TMTC2: variants seen among roughly 807,000 people sequenced by gnomAD.
TMTC2 encodes protein O-mannosyl-transferase TMTC2.
Under a neutral mutation model 82.4 loss-of-function variants are expected in TMTC2, and 43 were observed. That is an observed-to-expected ratio of 0.52 (90% CI 0.41 to 0.67). The LOEUF is 0.67. Ranked by LOEUF, TMTC2 falls within the 30% of genes least tolerant of loss-of-function variation. TMTC2 has a pLI of 0.00. For missense variants in TMTC2, 919 were observed against 1,012.4 expected, an observed-to-expected ratio of 0.91 and a Z score of 1.25; for synonymous variants, 408 against 381.9, an observed-to-expected ratio of 1.07 and a Z score of -0.80.
At chr12:82,975,201 C>T (rs1371476567) in intron 7 of TMTC2, among the ~76,000 whole-genome samples, 1 of 152,030 alleles carries the variant, frequency 6.6e-6, no homozygotes, top group Non-Finnish European at 1.5e-5. Context: ...AGCCTTAACG[C>T]ATGAAATATA....
At chr12:82,897,835 C>A (rs1006823242) in intron 3 of TMTC2, among the ~76,000 whole-genome samples, 4 of 152,056 alleles carry the variant, frequency 2.6e-5, no homozygotes, top group African/African-American at 7.2e-5. Context: ...TATTTTTATT[C>A]TTTAAATTAT....
chr12:83,076,343 A>G (rs1216864635), intron 11 of TMTC2, among the ~76,000 whole-genome samples: 1 of 152,184 alleles, frequency 6.6e-6, no homozygotes, highest in Non-Finnish European at 1.5e-5. Context: ...GAACATCAAA[A>G]CCTTTGGGAA....
chr12:82,911,179 G>A (rs925428659), intron 3 of TMTC2, among the ~76,000 whole-genome samples: 8 of 151,862 alleles, frequency 5.3e-5, no homozygotes, highest in East Asian at 3.9e-4. Flanking sequence ...TGCGCCCGGC[G>A]GGTCTCGGGT....
chr12:82,790,338 C>T (rs868127886), intron 1 of TMTC2, among the ~76,000 whole-genome samples: 22 of 152,110 alleles, frequency 1.4e-4, no homozygotes, highest in African/African-American at 5.3e-4. Context: ...TCTCTGTTTA[C>T]AGTTTACTGT....
At position 82,715,177 on chromosome 12, in the gene TMTC2, A is replaced by C. The variant is rs192634785; in HGVS notation, c.83+27508A>C. 2.4e-3 allele frequency among the ~76,000 whole-genome samples: 365 copies of C among 151,954 alleles called. 1 individual carries two copies. The highest frequency in any genetic ancestry group is 8.2e-3 in the African/African-American group (340 of 41,448). On this transcript the variant is annotated intron_variant, in intron 1 of 11. Transcript: ENST00000321196. The stretch of plus-strand genomic sequence containing the variant: ...TCCCAGCTATTCAGGAGGCTGAGGC[A>C]GAGAATTGCTTGAACCCGAGAGGTG...
At chr12:82,915,833 T>G (rs571452350) in intron 3 of TMTC2, among the ~76,000 whole-genome samples, 1 of 152,228 alleles carries the variant, frequency 6.6e-6, no homozygotes, top group Non-Finnish European at 1.5e-5. Flanking sequence ...AGGCAACTTG[T>G]ACTCTTTGGG....
intron 1 of TMTC2, among the ~76,000 whole-genome samples, chr12:82,856,158 G>A (rs550102273): frequency 5.8e-4 from 88 of 152,342 alleles, no homozygotes; most frequent in Non-Finnish European, 8.7e-4. Context: ...GTTTGGCAGT[G>A]TATCAATTGT....
At chr12:83,012,375 G>T (rs1880500022) in intron 8 of TMTC2, among the ~76,000 whole-genome samples, 1 of 152,098 alleles carries the variant, frequency 6.6e-6, no homozygotes, top group South Asian at 2.1e-4. Flanking sequence ...TGCTTTAAGT[G>T]GGTTAAAGTA....
intron 6 of TMTC2, chr12:82,965,972 C>T (rs148125670): frequency 1.8e-6 from 1 of 546,646 alleles, no homozygotes; most frequent in African/African-American, 1.9e-5. Flanking sequence ...AGATTTCTTT[C>T]CTGTGAGTTT....
intron 8 of TMTC2, among the ~76,000 whole-genome samples, chr12:82,988,866 C>T (rs1205545796): frequency 6.9e-6 from 1 of 145,610 alleles, no homozygotes; most frequent in Non-Finnish European, 1.5e-5. Flanking sequence ...TCTAGAATGC[C>T]TGTCTGTGCC....
intron 1 of TMTC2, among the ~76,000 whole-genome samples, chr12:82,782,691 G>A (rs1274682216): frequency 6.6e-6 from 1 of 152,118 alleles, no homozygotes; most frequent in Non-Finnish European, 1.5e-5. Context: ...CCAAGAAGAG[G>A]ATAATGAAAA....
intron 2 of TMTC2, among the ~76,000 whole-genome samples, chr12:82,880,576 C>G (rs539055937): frequency 6.6e-6 from 1 of 152,244 alleles, no homozygotes; most frequent in Admixed American, 6.5e-5. Flanking sequence ...TTCTTATTCC[C>G]CTTTGCTTAA....
intron 11 of TMTC2, among the ~76,000 whole-genome samples, chr12:83,118,353 C>T (rs372927102): frequency 3.9e-5 from 6 of 152,086 alleles, no homozygotes; most frequent in African/African-American, 7.2e-5. Flanking sequence ...CTTTGTATGC[C>T]GATTTTGCTT....
chr12:82,701,427 T>TA (rs1377881405), intron 1 of TMTC2, among the ~76,000 whole-genome samples: 4 of 152,002 alleles, frequency 2.6e-5, no homozygotes, highest in Non-Finnish European at 5.9e-5. Flanking sequence ...CAACTTGTAT[T>TA]ACTTTATTTA....
At chr12:83,070,104 G>A (rs553986222) in intron 11 of TMTC2, among the ~76,000 whole-genome samples, 1 of 152,238 alleles carries the variant, frequency 6.6e-6, no homozygotes, top group South Asian at 2.1e-4. Flanking sequence ...AGTATAGTTT[G>A]AAATCAGGTA....
At chr12:82,798,751 G>T (rs1592530599) in intron 1 of TMTC2, among the ~76,000 whole-genome samples, 1 of 144,202 alleles carries the variant, frequency 6.9e-6, no homozygotes, top group Non-Finnish European at 1.5e-5. Flanking sequence ...AGGTTGTATT[G>T]AGCTGAGATC....
At chr12:82,727,967 A>ATAGTT (rs1426793220) in intron 1 of TMTC2, among the ~76,000 whole-genome samples, 1 of 152,076 alleles carries the variant, frequency 6.6e-6, no homozygotes, top group African/African-American at 2.4e-5. Flanking sequence ...CTCTTGAGGT[A>ATAGTT]TAGTTTCAAG....
intron 2 of TMTC2, among the ~76,000 whole-genome samples, chr12:82,873,377 C>A (rs1377537808): frequency 6.6e-6 from 1 of 151,936 alleles, no homozygotes; most frequent in Non-Finnish European, 1.5e-5. Context: ...GCTTAGCTGT[C>A]TATTCTACTG....
At chr12:82,879,730 G>T (rs1334031004) in intron 2 of TMTC2, among the ~76,000 whole-genome samples, 1 of 152,104 alleles carries the variant, frequency 6.6e-6, no homozygotes, top group Non-Finnish European at 1.5e-5. Flanking sequence ...TGTAAAACAC[G>T]AATTCACAAA....
Sources: gnomAD v4.1 joint callset for allele counts (sites outside exome capture counted in the v4.1 genomes callset) on GRCh38, gnomAD v4.1.1 for gene constraint, MANE v1.5 for transcripts, NCBI Gene and HGNC (gene_info 2026-07-23, HGNC 2026-07-21) for gene names.